The following SMPD3 variants were observed in gnomAD, a reference collection of about 807,000 sequenced individuals.
The protein encoded by SMPD3 is nSMase-2.
SMPD3 carries 21 observed loss-of-function variants against 55.7 expected under a neutral mutation model. That is an observed-to-expected ratio of 0.38 (90% CI 0.27 to 0.54). The LOEUF (loss-of-function observed/expected upper bound fraction) is 0.54. SMPD3 is among the 20% of genes least tolerant of loss of function. The probability of loss-of-function intolerance (pLI) is 0.80; values close to 1 mark genes in which losing one functional copy is unlikely to be tolerated. For synonymous variants in SMPD3, 457 were observed against 404.3 expected (o/e 1.13, Z -1.56); for missense variants, 842 against 899.6 (o/e 0.94, Z 0.82).
At chr16:68,364,477 G>A in intron 5 of SMPD3, 1 of 448,244 alleles carries the variant, frequency 2.2e-6, no homozygotes, top group Non-Finnish European at 4.0e-6. Flanking sequence ...TGTTACTAGT[G>A]GACTCGTCCT....
Position 68,372,080 on chromosome 16 carries a change from G to C in SMPD3, c.102C>G (p.Leu34=). ...IFPCYWLVDR[L]AASFIPTTYE... is the part of the protein sequence containing the mutation. Reference sequence around the variant, plus strand: ...AGGTGGTGGGTATGAAGGAGGCAGCGAGCCGGTCCACCAGCCAGTAGCATG... The same window carrying C: ...AGGTGGTGGGTATGAAGGAGGCAGCCAGCCGGTCCACCAGCCAGTAGCATG... The change falls in exon 3 of 9, where the codon CTC becomes CTG. Residue 34 remains leucine, a synonymous_variant. Transcript: ENST00000219334. 1 of 1,608,964 alleles carries C rather than the reference G, an allele frequency of 6.2e-7. No individual in the cohort carries two copies. Among genetic ancestry groups the C allele is most frequent in the Non-Finnish European group, 8.5e-7 (1 of 1,178,310 alleles).
Position 68,358,550 on chromosome 16 carries a change from AAAAT to A in SMPD3, c.*2652_*2655del, listed in dbSNP as rs1255109038. ...GTCCCATGAAGATACAATACAGAAA[AAAAT>A]ACAGAAATTAAAAAAGTTTTTATAA... is the stretch of plus-strand genomic sequence containing the variant. On this transcript the variant is annotated 3_prime_UTR_variant, in exon 9 of 9. Transcript: ENST00000219334. The A allele has an allele frequency of 6.6e-6, 1 of 152,666 alleles. No homozygotes were observed. Among genetic ancestry groups the A allele is most frequent in the African/African-American group, 2.4e-5 (1 of 41,472 alleles). 9.5% of individuals were successfully genotyped at this position (152,666 alleles called of 1,614,324 possible). A position where few individuals can be genotyped will look rare whatever the true frequency, so the allele number is the denominator to read the frequency against.
chr16:68,407,699 A>C (rs2090265337), intron 1 of SMPD3, among the ~76,000 whole-genome samples: 1 of 152,072 alleles, frequency 6.6e-6, no homozygotes, highest in African/African-American at 2.4e-5. Flanking sequence ...CACCTCTTAG[A>C]ATGTGTAGCA....
intron 1 of SMPD3, among the ~76,000 whole-genome samples, chr16:68,410,733 A>C (rs1432526166): frequency 1.3e-5 from 2 of 152,186 alleles, no homozygotes; most frequent in Non-Finnish European, 2.9e-5. Flanking sequence ...GTTTGTTTTT[A>C]ATTCAAAAGT....
chr16:68,363,652 TAGCCAGGGGCA>T (rs1421660192), intron 6 of SMPD3, 93 bp from the exon 7 acceptor site: 35 of 1,461,848 alleles, frequency 2.4e-5, no homozygotes, highest in Non-Finnish European at 7.5e-6. Flanking sequence ...GGGCTTCTGC[TAGCCAGGGGCA>T]GCTGAATGGG....
rs1107177 is a variant in SMPD3, at chr16:68,404,718, G to A, written c.-268-18059C>T. Among the ~76,000 whole-genome samples the A allele has an allele frequency of 0.25, 37,563 of 152,184 alleles. 4,987 individuals carry two copies. Among genetic ancestry groups the A allele is most frequent in the African/African-American group, 0.33 (13,901 of 41,502 alleles). On this transcript the variant is annotated intron_variant, in intron 1 of 8. Coordinates refer to ENST00000219334, the MANE Select transcript of SMPD3 (RefSeq NM_018667.4). The surrounding 1 kb of genome is among the most constrained non-coding windows in gnomAD (Gnocchi z 4.0). ...GGCTGTTATCTTTGTATAGATGCTG[G>A]GGGCATCAGGACAGCCTGAAACACT...
At chr16:68,420,663 C>T (rs975492771) in intron 1 of SMPD3, among the ~76,000 whole-genome samples, 5 of 152,220 alleles carry the variant, frequency 3.3e-5, no homozygotes, top group African/African-American at 9.6e-5. Flanking sequence ...TCTTCAAAAT[C>T]GCAATTTAAC....
At chr16:68,438,058 C>T (rs186391412) in intron 1 of SMPD3, among the ~76,000 whole-genome samples, 1 of 152,116 alleles carries the variant, frequency 6.6e-6, no homozygotes, top group Non-Finnish European at 1.5e-5. Context: ...CCAGCAGCCA[C>T]CCTGGGAGGC....
chr16:68,387,916 G>A (rs2090074391), intron 1 of SMPD3, among the ~76,000 whole-genome samples: 1 of 152,338 alleles, frequency 6.6e-6, no homozygotes, highest in Middle Eastern at 3.4e-3. Context: ...CCTCCTCTGC[G>A]GCAAACAATT....
chr16:68,380,351 A>C (rs1849427771), intron 2 of SMPD3, among the ~76,000 whole-genome samples: 1 of 152,254 alleles, frequency 6.6e-6, no homozygotes, highest in South Asian at 2.1e-4. Context: ...CTTCAGGATG[A>C]AGATGGGGAA....
In SMPD3 at chr16:68,361,631, T is replaced by G; in HGVS notation, c.1838A>C (p.Glu613Ala). The G allele has an allele frequency of 1.9e-6, 3 of 1,610,470 alleles. No individual in the cohort carries two copies. The highest frequency in any genetic ancestry group is 2.5e-6 in the Non-Finnish European group (3 of 1,179,940). Residue 613 changes from glutamate to alanine, a missense_variant, in exon 8 of 9, where the codon GAG (glutamate) becomes GCG (alanine). Coordinates refer to ENST00000219334, the MANE Select transcript of SMPD3 (RefSeq NM_018667.4). The stretch of plus-strand genomic sequence containing the variant: ...CTTCCAGTCTGGGCACAGCCCCTCC[T>G]CTGCATGCAGCATGTAGTCGATGCG... ...GRRIDYMLHA[E>A]EGLCPDWKAE...
At chr16:68,429,956 G>C (rs1260704455) in intron 1 of SMPD3, among the ~76,000 whole-genome samples, 1 of 152,114 alleles carries the variant, frequency 6.6e-6, no homozygotes, top group South Asian at 2.1e-4. Flanking sequence ...AAGACAAAGG[G>C]ATAAACCCAC....
chr16:68,385,145 AT>A (rs1241549244), intron 2 of SMPD3, among the ~76,000 whole-genome samples: 1 of 152,146 alleles, frequency 6.6e-6, no homozygotes, highest in Non-Finnish European at 1.5e-5. Flanking sequence ...ACTACCCCAA[AT>A]GGGTACAGCT....
intron 2 of SMPD3, among the ~76,000 whole-genome samples, chr16:68,383,404 G>A (rs181590395): frequency 2.4e-4 from 37 of 152,312 alleles, no homozygotes; most frequent in Admixed American, 2.1e-3. Context: ...GAAAGAAAAC[G>A]TCCAGAACAG....
At position 68,371,372 on chromosome 16, in the gene SMPD3, T is replaced by C; in HGVS notation, c.810A>G (p.Gly270=). 6.4e-7 allele frequency: 1 copy of C among 1,573,372 alleles called. No homozygotes were observed. Among genetic ancestry groups the C allele is most frequent in the Non-Finnish European group, 8.6e-7 (1 of 1,168,916 alleles). ...DPVPGGQARN[G]AGGGPRGQTP... ...TCTGGCCCCTTGGGCCCCCGCCAGC[T>C]CCGTTCCTGGCCTGGCCCCCAGGCA... Residue 270 remains glycine (G), a synonymous_variant, in exon 3 of 9, where the codon GGA becomes GGG. Coordinates refer to ENST00000219334, the MANE Select transcript of SMPD3 (RefSeq NM_018667.4).
intron 1 of SMPD3, among the ~76,000 whole-genome samples, chr16:68,396,905 A>G (rs1005086543): frequency 1.1e-4 from 17 of 152,184 alleles, no homozygotes; most frequent in African/African-American, 3.9e-4. Context: ...TGGAATCATC[A>G]TCTTCATCAA....
chr16:68,436,202 A>G (rs1218762511), intron 1 of SMPD3, among the ~76,000 whole-genome samples: 1 of 152,208 alleles, frequency 6.6e-6, no homozygotes, highest in Admixed American at 6.5e-5. Context: ...TAGGTGATAT[A>G]TCCAAGTTCA....
intron 1 of SMPD3, among the ~76,000 whole-genome samples, chr16:68,409,313 A>T (rs1180880819): frequency 6.6e-6 from 1 of 152,010 alleles, no homozygotes; most frequent in African/African-American, 2.4e-5. Flanking sequence ...CAGTGAGGGG[A>T]GAGGCATATC....
Position 68,404,183 on chromosome 16 carries a change from A to ATT in SMPD3, c.-268-17526_-268-17525dup, listed in dbSNP as rs549273411. Among the ~76,000 whole-genome samples, 30 of 134,988 alleles carry ATT rather than the reference A, an allele frequency of 2.2e-4. No individual in the cohort carries two copies. The highest frequency in any genetic ancestry group is 3.5e-4 in the Non-Finnish European group (22 of 62,160). 88.6% of individuals were successfully genotyped at this position (134,988 alleles called of 152,430 possible). The stretch of plus-strand genomic sequence containing the variant: ...CAGTGCACACCACCACGCCCAGCTA[A>ATT]TTTTTTTTTTTTTTTTTTGAGATGG... On this transcript the variant is annotated intron_variant, in intron 1 of 8. Coordinates refer to ENST00000219334, the MANE Select transcript of SMPD3 (RefSeq NM_018667.4). This position sits in a 1 kb window ranked among gnomAD's most constrained non-coding sequence, Gnocchi z 4.0.
Sources: gnomAD v4.1 joint callset for allele counts (sites outside exome capture counted in the v4.1 genomes callset) on GRCh38, gnomAD v4.1.1 for gene constraint, Gnocchi (gnomAD v3.1) non-coding constraint, MANE v1.5 for transcripts, NCBI Gene and HGNC (gene_info 2026-07-23, HGNC 2026-07-21) for gene names.